The following LRRIQ1 variants were observed in gnomAD, a reference collection of about 807,000 sequenced individuals.
The protein encoded by LRRIQ1 is leucine rich repeats and IQ motif containing 1, also known as leucine-rich repeat- and IQ domain-containing protein 1.
A neutral mutation model predicts 211.9 loss-of-function variants in LRRIQ1; 210 were observed. That is an observed-to-expected ratio of 0.99 (90% CI 0.89 to 1.11). The LOEUF is 1.11. Among genes scored for constraint, LRRIQ1 ranks in the 50% most tolerant of loss-of-function variants. The pLI is 0.00. For missense variants in LRRIQ1, 2,136 were observed against 1,939.5 expected (o/e 1.10, Z -1.90); for synonymous variants, 699 against 650.1 (o/e 1.08, Z -1.14).
chr12:85,073,819 C>T (rs1437862071), intron 11 of LRRIQ1, among the ~76,000 whole-genome samples: 1 of 151,982 alleles, frequency 6.6e-6, no homozygotes. Context: ...TTTTCATCTT[C>T]AGGAAATGCT....
intron 24 of LRRIQ1, among the ~76,000 whole-genome samples, chr12:85,227,465 T>C (rs945693403): frequency 2.0e-5 from 3 of 152,194 alleles, no homozygotes; most frequent in African/African-American, 7.2e-5. Context: ...GCTGCATAAA[T>C]GTCTTCTTTT....
At chr12:85,045,675 A>G (rs908250245) in intron 4 of LRRIQ1, among the ~76,000 whole-genome samples, 4 of 151,946 alleles carry the variant, frequency 2.6e-5, no homozygotes, top group Admixed American at 2.6e-4. Flanking sequence ...AACAGTCACT[A>G]CAGTCAGAAA....
chr12:85,177,468 A>G (rs1194401515), intron 24 of LRRIQ1, among the ~76,000 whole-genome samples: 1 of 152,106 alleles, frequency 6.6e-6, no homozygotes, highest in Non-Finnish European at 1.5e-5. Flanking sequence ...AGGCTGAGTA[A>G]AAGTAACTAG....
intron 1 of LRRIQ1, among the ~76,000 whole-genome samples, chr12:85,262,370 T>C (rs1189552307): frequency 6.6e-6 from 1 of 152,082 alleles, no homozygotes; most frequent in Non-Finnish European, 1.5e-5. Flanking sequence ...GAAAGACTGT[T>C]ACCTGTCCAG....
intron 11 of LRRIQ1, among the ~76,000 whole-genome samples, chr12:85,078,924 T>G (rs915755474): frequency 2.6e-5 from 4 of 152,182 alleles, no homozygotes; most frequent in African/African-American, 9.7e-5. Flanking sequence ...GTTAATTCTG[T>G]TTTCTAAACA....
At chr12:85,270,386 C>A in the LRRIQ1 span, among the ~76,000 whole-genome samples, 2 of 151,962 alleles carry the variant, frequency 1.3e-5, no homozygotes, top group Non-Finnish European at 2.9e-5. Context: ...AGAGGCAATA[C>A]CTATGTTTAT....
Position 85,191,050 on chromosome 12 carries a change from T to C in LRRIQ1, c.4822+30336T>C, listed in dbSNP as rs796432275. ...ATAGACTCTATATTTTAGTATAGTT[T>C]ATGTCCACAGCAAAATTTAGCAGAA... On this transcript the variant is annotated intron_variant, in intron 24 of 26. Transcript: ENST00000393217. 4.6e-5 allele frequency among the ~76,000 whole-genome samples: 7 copies of C among 152,126 alleles called. 1 individual carries two copies. Among genetic ancestry groups the C allele is most frequent in the African/African-American group, 1.7e-4 (7 of 41,552 alleles).
chr12:85,185,069 T>C (rs1294270858), intron 24 of LRRIQ1, among the ~76,000 whole-genome samples: 2 of 151,956 alleles, frequency 1.3e-5, no homozygotes, highest in Non-Finnish European at 2.9e-5. Flanking sequence ...ACTAAGCAAC[T>C]AAAAACTATA....
intron 11 of LRRIQ1, among the ~76,000 whole-genome samples, chr12:85,080,443 C>T (rs1884159256): frequency 6.6e-6 from 1 of 151,094 alleles, no homozygotes; most frequent in Non-Finnish European, 1.5e-5. Flanking sequence ...TATTTAATGT[C>T]TTTTATATGA....
At chr12:85,175,063 A>G (rs907432045) in intron 24 of LRRIQ1, among the ~76,000 whole-genome samples, 1 of 152,160 alleles carries the variant, frequency 6.6e-6, no homozygotes, top group Non-Finnish European at 1.5e-5. Context: ...AGAAAACATT[A>G]TTTCCAACCT....
chr12:85,239,184 C>G (rs1277347528), intron 26 of LRRIQ1, among the ~76,000 whole-genome samples: 3 of 151,882 alleles, frequency 2.0e-5, no homozygotes, highest in Non-Finnish European at 2.9e-5. Flanking sequence ...TCTGTAGATT[C>G]AAAGCAATCC....
intron 15 of LRRIQ1, among the ~76,000 whole-genome samples, chr12:85,109,669 A>G (rs961601651): frequency 1.3e-5 from 2 of 152,140 alleles, no homozygotes; most frequent in African/African-American, 4.8e-5. Context: ...TTTTGACACC[A>G]TCCAAGCCTA....
At chr12:85,062,845 G>T (rs1881998406) in intron 8 of LRRIQ1, among the ~76,000 whole-genome samples, 1 of 151,662 alleles carries the variant, frequency 6.6e-6, no homozygotes, top group Admixed American at 6.6e-5. Flanking sequence ...CCTTTTCTCT[G>T]TAACCTCACC....
intron 17 of LRRIQ1, among the ~76,000 whole-genome samples, chr12:85,125,787 G>A (rs1335646353): frequency 2.0e-5 from 3 of 151,908 alleles, no homozygotes; most frequent in Non-Finnish European, 4.4e-5. Context: ...CACTTCAAAC[G>A]TTGCCTATTG....
intron 18 of LRRIQ1, among the ~76,000 whole-genome samples, chr12:85,133,454 G>A (rs1888911751): frequency 6.6e-6 from 1 of 152,092 alleles, no homozygotes. Context: ...ATAAGCAATA[G>A]CAAAATAAAT....
intron 23 of LRRIQ1, among the ~76,000 whole-genome samples, chr12:85,155,056 C>T (rs2136686846): frequency 6.6e-6 from 1 of 151,142 alleles, no homozygotes; most frequent in Admixed American, 6.6e-5. Context: ...TGCAAAAGTG[C>T]TTTTGATTTT....
chr12:85,229,512 C>T lies in LRRIQ1; in HGVS notation c.4823-5C>T. 1.3e-6 allele frequency: 2 copies of T among 1,591,044 alleles called. No homozygotes were observed. Among genetic ancestry groups the T allele is most frequent in the Non-Finnish European group, 1.7e-6 (2 of 1,173,418 alleles). On this transcript the variant is annotated splice_polypyrimidine_tract_variant and splice_region_variant and intron_variant, in intron 24 of 26. Coordinates refer to ENST00000393217, the MANE Select transcript of LRRIQ1 (RefSeq NM_001079910.2). ...ATAAGTACACGTTCCATATTTCTTT[C>T]ACAGGTATAGAAGAAGACCCTATCC... is the stretch of plus-strand genomic sequence containing the variant.
intron 24 of LRRIQ1, among the ~76,000 whole-genome samples, chr12:85,212,639 G>A (rs1040510525): frequency 4.0e-5 from 6 of 151,344 alleles, no homozygotes; most frequent in Non-Finnish European, 7.4e-5. Context: ...AATGTTCTAT[G>A]ATTCTTGTAT....
intron 4 of LRRIQ1, among the ~76,000 whole-genome samples, chr12:85,045,302 G>T (rs928482692): frequency 1.3e-5 from 2 of 151,854 alleles, no homozygotes; most frequent in African/African-American, 4.8e-5. Flanking sequence ...GGATTTAAGA[G>T]AAAGTCTCTC....
Sources: allele counts gnomAD v4.1 joint callset (sites outside exome capture counted in the v4.1 genomes callset), GRCh38; gene constraint gnomAD v4.1.1; transcripts MANE v1.5; gene names NCBI Gene and HGNC (gene_info 2026-07-23, HGNC 2026-07-21).